AP3S2: variants seen among roughly 807,000 people sequenced by gnomAD.
AP3S2 encodes the protein AP-3 complex subunit sigma-2.
A neutral mutation model predicts 23.4 loss-of-function variants in AP3S2; 22 were observed. The ratio of observed to expected loss-of-function variants is 0.94; its 90% confidence interval spans 0.67 to 1.34. The LOEUF is 1.34. Among genes scored for constraint, AP3S2 ranks in the 40% most tolerant of loss-of-function variants. The pLI is 0.00. For missense variants in AP3S2, 241 were observed against 236.9 expected (o/e 1.02, Z -0.11); for synonymous variants, 86 against 87.1 (o/e 0.99, Z 0.07).
rs1596182085 is a variant in AP3S2, at chr15:89,833,582, T to C, written c.*1933A>G. 2 of 152,246 alleles carry C rather than the reference T, an allele frequency of 1.3e-5. No homozygotes were observed. The highest frequency in any genetic ancestry group is 3.8e-4 in the East Asian group (2 of 5,198). 9.4% of individuals were successfully genotyped at this position (152,246 alleles called of 1,614,324 possible). On this transcript the variant is annotated 3_prime_UTR_variant, in exon 6 of 6. Transcript: ENST00000336418. ...ACGAAATAAACGCCGATCTCCTTTA[T>C]TCTGATCTCACATTCAGCAAATGTG... is the stretch of plus-strand genomic sequence containing the variant.
At chr15:89,883,255 A>T (rs1346206460) in intron 3 of AP3S2, among the ~76,000 whole-genome samples, 1 of 152,114 alleles carries the variant, frequency 6.6e-6, no homozygotes, top group East Asian at 1.9e-4. Context: ...ATAATTCTTT[A>T]AAAATATTTT....
rs887171664 is a variant in AP3S2 at position 89,831,507 on chromosome 15, C to T, written c.*4008G>A. On this transcript the variant is annotated 3_prime_UTR_variant, in exon 6 of 6. Coordinates refer to ENST00000336418, the MANE Select transcript of AP3S2 (RefSeq NM_005829.5). ...CTAGCCCCTACTACCGATCTTAATA[C>T]CCATGTACCAATCATTGCTGCATCC... 2 of 152,274 alleles carry T rather than the reference C, an allele frequency of 1.3e-5. No homozygotes were observed. The highest frequency in any genetic ancestry group is 4.8e-5 in the African/African-American group (2 of 41,466). The allele number at this position is 152,274 out of a possible 1,614,324, so 9.4% of individuals were successfully genotyped here.
At chr15:89,864,311 G>A (rs185932751) in intron 4 of AP3S2, among the ~76,000 whole-genome samples, 6 of 152,114 alleles carry the variant, frequency 3.9e-5, no homozygotes, top group Non-Finnish European at 7.4e-5. Flanking sequence ...GTATTAGAAT[G>A]ATGATGCAAA....
chr15:89,888,889 C>T (rs988082972), intron 2 of AP3S2, among the ~76,000 whole-genome samples, 160 bp downstream of exon 2: 5 of 152,144 alleles, frequency 3.3e-5, no homozygotes, highest in South Asian at 2.1e-4. Context: ...AATTGAACTG[C>T]GCCCCAAAGA....
chr15:89,893,770 C>G, intron 1 of AP3S2, 111 bp downstream of exon 1: 3 of 1,069,000 alleles, frequency 2.8e-6, no homozygotes, highest in Non-Finnish European at 4.1e-6. Context: ...ATGCTCGGTG[C>G]AGGAGCCCCA....
chr15:89,863,004 C>T (rs932409906), intron 4 of AP3S2, among the ~76,000 whole-genome samples: 1 of 152,118 alleles, frequency 6.6e-6, no homozygotes. Context: ...TGAGAGATGA[C>T]TGACAACATA....
At chr15:89,851,028 C>T (rs1356251553) in intron 4 of AP3S2, among the ~76,000 whole-genome samples, 1 of 142,020 alleles carries the variant, frequency 7.0e-6, no homozygotes, top group Non-Finnish European at 1.6e-5. Context: ...AACATAATCT[C>T]TAACAATGTC....
chr15:89,866,842 A>G (rs1203057742), intron 4 of AP3S2, among the ~76,000 whole-genome samples: 1 of 152,078 alleles, frequency 6.6e-6, no homozygotes, highest in Non-Finnish European at 1.5e-5. Context: ...CTATCTCTCC[A>G]CTAGCAAAGC....
At position 89,833,460 on chromosome 15, in the gene AP3S2, T is replaced by C. The variant is rs748593520; in HGVS notation, c.*2055A>G. The C allele has an allele frequency of 1.3e-5, 2 of 152,250 alleles. No homozygotes were observed. Among genetic ancestry groups the C allele is most frequent in the Non-Finnish European group, 2.9e-5 (2 of 68,050 alleles). 9.4% of individuals were successfully genotyped at this position (152,250 alleles called of 1,614,324 possible). On this transcript the variant is annotated 3_prime_UTR_variant, in exon 6 of 6. Transcript: ENST00000336418. ...CCCGTGTAATCTAAGGGAAGGTTAC[T>C]GGAGCTGGGTCTACTTTCGTCATCT...
intron 3 of AP3S2, chr15:89,878,437 A>G: frequency 2.1e-6 from 1 of 477,050 alleles, no homozygotes; most frequent in Non-Finnish European, 3.7e-6. Context: ...AAAGTGGACA[A>G]ATATCGTAGA....
intron 4 of AP3S2, among the ~76,000 whole-genome samples, chr15:89,865,919 G>C (rs919035910): frequency 6.6e-6 from 1 of 151,930 alleles, no homozygotes; most frequent in African/African-American, 2.4e-5. Flanking sequence ...CAAATAACAC[G>C]GAGCAAAGAA....
intron 4 of AP3S2, among the ~76,000 whole-genome samples, chr15:89,858,965 A>G (rs568665052): frequency 1.3e-5 from 2 of 152,232 alleles, no homozygotes; most frequent in East Asian, 3.9e-4. Context: ...GAGTGTGTAT[A>G]TGGCAGCAGA....
At chr15:89,877,414 C>T in intron 3 of AP3S2, 1 of 1,288,094 alleles carries the variant, frequency 7.8e-7, no homozygotes, top group Non-Finnish European at 1.0e-6. Context: ...CTTCCTCTCT[C>T]TTTTTTTAAG....
At chr15:89,878,832 C>T (rs185115644) in intron 3 of AP3S2, among the ~76,000 whole-genome samples, 13 of 152,282 alleles carry the variant, frequency 8.5e-5, no homozygotes, top group African/African-American at 2.6e-4. Context: ...CTGCAACCTC[C>T]GCCTCCCAGG....
intron 4 of AP3S2, among the ~76,000 whole-genome samples, chr15:89,852,900 G>T (rs929042422): frequency 4.6e-5 from 7 of 152,172 alleles, no homozygotes; most frequent in African/African-American, 1.7e-4. Flanking sequence ...CAGTATCACT[G>T]GAGTGTAAAG....
chr15:89,889,103 A>T lies in AP3S2; in HGVS notation c.107T>A (p.Phe36Tyr). Residue 36 changes from phenylalanine (F) to tyrosine (Y), a missense_variant, in exon 2 of 6, where the codon TTC (phenylalanine) becomes TAC (tyrosine). Physicochemically the swap from Phe to Tyr is conservative, Grantham distance 22. Transcript: ENST00000336418. ...GTCATCCCGCTTGAGGACTAGATGGAAAGTCTCTCGAACAATCTGCTGTTG... is the reference window on the plus strand; with the variant it reads ...GTCATCCCGCTTGAGGACTAGATGGTAAGTCTCTCGAACAATCTGCTGTTG... The part of the protein sequence containing the change: ...EIQQQIVRET[F>Y]HLVLKRDDNI... 1.2e-6 allele frequency: 2 copies of T among 1,614,212 alleles called. No individual in the cohort carries two copies. Among genetic ancestry groups the T allele is most frequent in the Non-Finnish European group, 1.7e-6 (2 of 1,180,046 alleles).
chr15:89,846,835 A>G (rs1895504718), intron 4 of AP3S2, among the ~76,000 whole-genome samples: 1 of 151,372 alleles, frequency 6.6e-6, no homozygotes, highest in African/African-American at 2.4e-5. Context: ...ACACCTGGCT[A>G]ATTTTTGTAT....
At chr15:89,844,980 A>C (rs1895450705) in intron 4 of AP3S2, among the ~76,000 whole-genome samples, 1 of 151,728 alleles carries the variant, frequency 6.6e-6, no homozygotes, top group African/African-American at 2.4e-5. Context: ...ATCTCGGCTC[A>C]CTGCAGCCTC....
At chr15:89,842,949 G>A (rs1392083122) in intron 4 of AP3S2, among the ~76,000 whole-genome samples, 1 of 151,638 alleles carries the variant, frequency 6.6e-6, no homozygotes, top group Non-Finnish European at 1.5e-5. Flanking sequence ...GTCCAGCAAG[G>A]GTAACAGAAT....
Sources: gnomAD v4.1 joint callset for allele counts (sites outside exome capture counted in the v4.1 genomes callset) on GRCh38, gnomAD v4.1.1 for gene constraint, MANE v1.5 for transcripts, NCBI Gene and HGNC (gene_info 2026-07-23, HGNC 2026-07-21) for gene names.